DNAJC9: variants seen among roughly 807,000 people sequenced by gnomAD.
DNAJC9 encodes DnaJ heat shock protein family (Hsp40) member C9.
In DNAJC9, 18 loss-of-function variants were observed where a neutral mutation model predicts 32.4. The observed-to-expected ratio is 0.56, with a 90% CI of 0.38 to 0.82. The LOEUF is 0.82. DNAJC9 is among the 40% of genes least tolerant of loss of function. The probability of loss-of-function intolerance (pLI) is 0.00; values close to 1 mark genes in which losing one functional copy is unlikely to be tolerated. For missense variants in DNAJC9, 310 were observed against 321.8 expected (o/e 0.96, Z 0.28); for synonymous variants, 113 against 122.1 (o/e 0.93, Z 0.49).
chr10:73,233,149 C>A (rs1312241840), intron 2 of DNAJC9: 1 of 1,551,014 alleles, frequency 6.4e-7, no homozygotes, highest in African/African-American at 1.4e-5. Context: ...AAGAAATCCT[C>A]AGAGGAGCCC....
Position 73,242,060 on chromosome 10 carries a change from C to G in DNAJC9, c.*1340G>C, listed in dbSNP as rs1778332676. On this transcript the variant is annotated 3_prime_UTR_variant, in exon 5 of 5. Coordinates refer to ENST00000372950, the MANE Select transcript of DNAJC9 (RefSeq NM_015190.5). ...TTCAGAATGGATAAATTCAAATAAT[C>G]ATAAATTACGGTAACTTTTTATTAT... 1 of 152,174 alleles carries G rather than the reference C, an allele frequency of 6.6e-6. No homozygotes were observed. The highest frequency in any genetic ancestry group is 2.1e-4 in the South Asian group (1 of 4,830). 9.4% of individuals were successfully genotyped at this position (152,174 alleles called of 1,614,324 possible).
At position 73,243,288 on chromosome 10, in the gene DNAJC9, G is replaced by C. The variant is rs12246107; in HGVS notation, c.*112C>G. 7,391 of 1,247,436 alleles carry C rather than the reference G, an allele frequency of 5.9e-3. 204 individuals carry two copies. In the African/African-American group the frequency reaches 0.073, roughly 12 times the overall value. The allele number at this position is 1,247,436 out of a possible 1,614,324, so 77.3% of individuals were successfully genotyped here. ...TAGTCAATCTGAAAAATTCAGGCTG[G>C]AAAGACACCTTTTCTCAAGAGCTGA... On this transcript the variant is annotated 3_prime_UTR_variant, in exon 5 of 5. Transcript: ENST00000372950.
At chr10:73,233,367 T>A (rs952565841) in intron 2 of DNAJC9, among the ~76,000 whole-genome samples, 1 of 152,156 alleles carries the variant, frequency 6.6e-6, no homozygotes, top group Non-Finnish European at 1.5e-5. Context: ...TTAGATACAG[T>A]CTCACTCCTG....
chr10:73,247,239 G>A lies in DNAJC9; in HGVS notation c.-50C>T, dbSNP rs1481714158. ...GGAAGCAGCCGCTCCCAGCTGCGCCGGGTACAACCCAGGACTGCTTCTTTT... is the reference window on the plus strand; with the variant it reads ...GGAAGCAGCCGCTCCCAGCTGCGCCAGGTACAACCCAGGACTGCTTCTTTT... On this transcript the variant is annotated 5_prime_UTR_variant, in exon 1 of 5. Transcript: ENST00000372950. 6.4e-7 allele frequency: 1 copy of A among 1,554,608 alleles called. No individual in the cohort carries two copies. The highest frequency in any genetic ancestry group is 8.7e-7 in the Non-Finnish European group (1 of 1,149,514).
chr10:73,240,961 G>A, downstream of DNAJC9: 2 of 1,541,932 alleles, frequency 1.3e-6, no homozygotes, highest in Non-Finnish European at 1.8e-6. Context: ...CAGTTACATG[G>A]GTCTACAAAA....
downstream of DNAJC9, chr10:73,241,785 A>G (rs1274075422): frequency 6.6e-6 from 1 of 152,226 alleles, no homozygotes; most frequent in South Asian, 2.1e-4. Context: ...TCAATTTAAA[A>G]ATAATTTGTA....
chr10:73,235,168 T>G, downstream of DNAJC9: 1 of 1,550,936 alleles, frequency 6.4e-7, no homozygotes. Flanking sequence ...TTTCACTGTT[T>G]CTGTAACTTT....
downstream of DNAJC9, among the ~76,000 whole-genome samples, chr10:73,236,740 T>TA (rs1554864687): frequency 5.3e-5 from 8 of 150,580 alleles, no homozygotes; most frequent in East Asian, 3.9e-4. Context: ...TTTTTTTTTT[T>TA]AAGACAGGGT....
At chr10:73,246,972 C>T (rs1336783795) in intron 1 of DNAJC9, 38 bp downstream of exon 1, 1 of 1,548,340 alleles carries the variant, frequency 6.5e-7, no homozygotes, top group Non-Finnish European at 8.7e-7. Context: ...GGGGGAGGCC[C>T]GCGCAGCCGG....
At chr10:73,236,559 G>C (rs973844827), downstream of DNAJC9, among the ~76,000 whole-genome samples, 1 of 150,806 alleles carries the variant, frequency 6.6e-6, no homozygotes, top group East Asian at 2.0e-4. Context: ...GACTACAGGT[G>C]CCTGCCACCA....
chr10:73,244,438 A>G (rs1404463251), intron 3 of DNAJC9: 1 of 152,420 alleles, frequency 6.6e-6, no homozygotes, highest in Non-Finnish European at 1.5e-5. Context: ...TCAGGCTGCA[A>G]TAAGCTGTGA....
At position 73,243,296 on chromosome 10, in the gene DNAJC9, C is replaced by G. The variant is rs944366962; in HGVS notation, c.*104G>C. ...CTGAAAAATTCAGGCTGGAAAGACA[C>G]CTTTTCTCAAGAGCTGAATTGACTT... is the stretch of plus-strand genomic sequence containing the variant. On this transcript the variant is annotated 3_prime_UTR_variant, in exon 5 of 5. Coordinates refer to ENST00000372950, the MANE Select transcript of DNAJC9 (RefSeq NM_015190.5). 1.1e-4 allele frequency: 149 copies of G among 1,328,244 alleles called. No homozygotes were observed. Among genetic ancestry groups the G allele is most frequent in the South Asian group, 2.0e-4 (15 of 75,002 alleles). 82.3% of individuals were successfully genotyped at this position (1,328,244 alleles called of 1,614,324 possible). A position where few individuals can be genotyped will look rare whatever the true frequency, so the allele number is the denominator to read the frequency against.
chr10:73,243,616 A>G (rs1293466975), intron 4 of DNAJC9, 97 bp from the exon 5 acceptor site: 1 of 1,473,086 alleles, frequency 6.8e-7, no homozygotes, highest in African/African-American at 1.4e-5. Context: ...ATAACTACTA[A>G]TGGGTATGGA....
rs2043962284 is a variant in DNAJC9 at position 73,242,178 on chromosome 10, C to T, written c.*1222G>A. 1 of 152,098 alleles carries T rather than the reference C, an allele frequency of 6.6e-6. No homozygotes were observed. Among genetic ancestry groups the T allele is most frequent in the South Asian group, 2.1e-4 (1 of 4,828 alleles). The allele number at this position is 152,098 out of a possible 1,614,324, so 9.4% of individuals were successfully genotyped here. ...TAATAAAATTAAAATCTATTTTTAA[C>T]CTATTTGTAGTCACAAACCGAAAAC... On this transcript the variant is annotated 3_prime_UTR_variant, in exon 5 of 5. Coordinates refer to ENST00000372950, the MANE Select transcript of DNAJC9 (RefSeq NM_015190.5).
chr10:73,237,005 G>A (rs2043837855), downstream of DNAJC9, among the ~76,000 whole-genome samples: 1 of 151,882 alleles, frequency 6.6e-6, no homozygotes, highest in Non-Finnish European at 1.5e-5. Flanking sequence ...TGAGCCACAT[G>A]CCCAGCCTGC....
downstream of DNAJC9, chr10:73,240,989 ACCAGTCTCT>A (rs374706386): frequency 0.013 from 20,715 of 1,536,398 alleles, 1,932 homozygotes; most frequent in African/African-American, 0.2. Context: ...GCGGAGGCAG[ACCAGTCTCT>A]CGAACCAGGC....
At chr10:73,233,162 G>A in intron 2 of DNAJC9, 2 of 1,549,038 alleles carry the variant, frequency 1.3e-6, no homozygotes, top group South Asian at 2.4e-5. Context: ...AGGAGCCCGA[G>A]TGTAGGTTTC....
chr10:73,246,028 G>T lies in DNAJC9; in HGVS notation c.470C>A (p.Pro157His). 2 of 1,613,684 alleles carry T rather than the reference G, an allele frequency of 1.2e-6. No individual in the cohort carries two copies. Among genetic ancestry groups the T allele is most frequent in the Non-Finnish European group, 1.7e-6 (2 of 1,179,808 alleles). The change falls in exon 3 of 5, where the codon CCC becomes CAC. Residue 157 changes from proline to histidine, a missense_variant. Transcript: ENST00000372950. ...TTGCTGAATGATATTCCTTATCCTG[G>T]GTTCCTCTGTGTACTGCACGCAAAG... is the stretch of plus-strand genomic sequence containing the variant. The part of the protein sequence containing the change: ...SVLCVQYTEE[P>H]RIRNIIQQAI...
chr10:73,247,208 C>A lies in DNAJC9; in HGVS notation c.-19G>T, dbSNP rs908871126. ...GCCCCATGCCGGGCGGAGATACGAC[C>A]CCGGAGGAAGCAGCCGCTCCCAGCT... On this transcript the variant is annotated 5_prime_UTR_variant, in exon 1 of 5. Transcript: ENST00000372950. 1.8e-5 allele frequency: 29 copies of A among 1,580,548 alleles called. No individual in the cohort carries two copies. The highest frequency in any genetic ancestry group is 2.1e-5 in the Non-Finnish European group (25 of 1,164,638).
Sources: allele counts gnomAD v4.1 joint callset (sites outside exome capture counted in the v4.1 genomes callset), GRCh38; gene constraint gnomAD v4.1.1; transcripts MANE v1.5; gene names NCBI Gene and HGNC (gene_info 2026-07-23, HGNC 2026-07-21).